AKT2: variants seen among roughly 807,000 people sequenced by gnomAD.
AKT2 encodes the protein RAC-beta serine/threonine-protein kinase.
In AKT2, 16 loss-of-function variants were observed where a neutral mutation model predicts 58.6. The ratio of observed to expected loss-of-function variants is 0.27; its 90% CI spans 0.18 to 0.41. The LOEUF (loss-of-function observed/expected upper bound fraction) is 0.41, where lower values mean the gene tolerates loss of function less well. AKT2 is among the 10% of genes least tolerant of loss of function. AKT2 has a pLI of 1.00. For synonymous variants in AKT2, 253 were observed against 254.0 expected (o/e 1.00, Z 0.04); for missense variants, 438 against 661.0 (o/e 0.66, Z 3.70).
intron 2 of AKT2, among the ~76,000 whole-genome samples, chr19:40,257,470 C>T (rs925070692): frequency 6.6e-6 from 1 of 152,184 alleles, no homozygotes; most frequent in African/African-American, 2.4e-5. Flanking sequence ...CAGGTAGCTC[C>T]AATGCCAAAA....
intron 4 of AKT2, among the ~76,000 whole-genome samples, chr19:40,249,547 T>C (rs1028744909): frequency 6.6e-6 from 1 of 152,164 alleles, no homozygotes; most frequent in Admixed American, 6.5e-5. Context: ...CTGTCCTTCA[T>C]GCACAAGCCC....
At chr19:40,259,893 C>T (rs1975813173) in intron 2 of AKT2, among the ~76,000 whole-genome samples, 1 of 152,220 alleles carries the variant, frequency 6.6e-6, no homozygotes, top group Non-Finnish European at 1.5e-5. Flanking sequence ...TAGCTCACAC[C>T]TGTAATCCCA....
rs970449908 is a variant in AKT2, at chr19:40,235,833, G to A, written c.1175+57C>T. ...TTGTGGACGCTGCCCCCTCCAGGCCGCAGGGACAGTGGCAGCAGCTGGCGC... is the reference window on the plus strand; with the variant it reads ...TTGTGGACGCTGCCCCCTCCAGGCCACAGGGACAGTGGCAGCAGCTGGCGC... On this transcript the variant is annotated intron_variant, in intron 11 of 13. Transcript: ENST00000392038. The surrounding 1 kb of genome is among the most constrained non-coding windows in gnomAD (Gnocchi z 6.3). 11 of 1,539,320 alleles carry A rather than the reference G, an allele frequency of 7.1e-6. No homozygotes were observed. Among genetic ancestry groups the A allele is most frequent in the African/African-American group, 5.4e-5 (4 of 73,616 alleles).
At chr19:40,272,347 G>A (rs773118704) in intron 1 of AKT2, among the ~76,000 whole-genome samples, 2 of 152,164 alleles carry the variant, frequency 1.3e-5, no homozygotes, top group Non-Finnish European at 2.9e-5. Flanking sequence ...TTCATCACAG[G>A]CTAATGCAGG....
At chr19:40,244,045 AAAT>A (rs1315757288) in intron 4 of AKT2, 1 of 108,118 alleles carries the variant, frequency 9.2e-6, no homozygotes, top group African/African-American at 3.5e-5. Context: ...CTCCATCCCA[AAAT>A]AATAATAAAA....
chr19:40,260,307 A>C (rs865785413), intron 2 of AKT2, among the ~76,000 whole-genome samples: 6 of 152,084 alleles, frequency 3.9e-5, no homozygotes, highest in Middle Eastern at 3.4e-3. Context: ...AAAATGGTGC[A>C]GCTGCTTCTT....
At chr19:40,256,864 C>T in intron 3 of AKT2, 62 bp downstream of exon 3, 1 of 1,611,236 alleles carries the variant, frequency 6.2e-7, no homozygotes, top group South Asian at 1.1e-5. Context: ...CCCACAAGCC[C>T]CTAAGACGTG....
intron 4 of AKT2, chr19:40,244,314 C>T (rs1974605750): frequency 6.6e-6 from 1 of 151,240 alleles, no homozygotes; most frequent in South Asian, 2.1e-4. Flanking sequence ...TGTGGGGGCA[C>T]ATGCCTGTGG....
At chr19:40,262,963 G>T (rs988156705) in intron 2 of AKT2, among the ~76,000 whole-genome samples, 2 of 152,210 alleles carry the variant, frequency 1.3e-5, no homozygotes, top group Non-Finnish European at 2.9e-5. Flanking sequence ...GATGGGCACT[G>T]GGAAGGCCCA....
At position 40,233,774 on chromosome 19, in the gene AKT2, T is replaced by C; in HGVS notation, c.*98A>G. The C allele has an allele frequency of 1.1e-6, 1 of 912,754 alleles. No homozygotes were observed. The highest frequency in any genetic ancestry group is 1.5e-6 in the Non-Finnish European group (1 of 665,852). The allele number at this position is 912,754 out of a possible 1,614,324, so 56.5% of individuals were successfully genotyped here. ...TGGAAAGGGGGTGAGGAGGTGGGGG[T>C]GGGGACACAAACCAAAAAGGCTAAG... is the stretch of plus-strand genomic sequence containing the variant. On this transcript the variant is annotated 3_prime_UTR_variant, in exon 14 of 14. Transcript: ENST00000392038. This position sits in a 1 kb window ranked among gnomAD's most constrained non-coding sequence, Gnocchi z 4.3.
At position 40,235,235 on chromosome 19, in the gene AKT2, T is replaced by G. The variant is rs761573056; in HGVS notation, c.1263+28A>C. 3.1e-6 allele frequency: 5 copies of G among 1,613,176 alleles called. No homozygotes were observed. The East Asian group carries it at 1.1e-4, about 36-fold the overall frequency. On this transcript the variant is annotated intron_variant, in intron 12 of 13. Coordinates refer to ENST00000392038, the MANE Select transcript of AKT2 (RefSeq NM_001626.6). The surrounding 1 kb of genome is among the most constrained non-coding windows in gnomAD (Gnocchi z 6.3). The stretch of plus-strand genomic sequence containing the variant: ...CACGAGTGGGCCAGGTCCCTGAGGG[T>G]CCTGCTGGGGCAAGCAGTGGGGCTC...
In AKT2 at chr19:40,234,820, AG is replaced by A. The variant is rs891247797; in HGVS notation, c.1366+224del. ...AGGGACCGGGCTGCCTCCTGCCCTG[AG>A]CCCCCCGACTGAGCTCCAGAACGTG... is the stretch of plus-strand genomic sequence containing the variant. On this transcript the variant is annotated intron_variant, in intron 13 of 13. Transcript: ENST00000392038. This position sits in a 1 kb window ranked among gnomAD's most constrained non-coding sequence, Gnocchi z 4.7. The A allele has an allele frequency of 7.8e-6, 5 of 637,910 alleles. 1 individual carries two copies. Among genetic ancestry groups the A allele is most frequent in the Middle Eastern group, 5.0e-4 (2 of 3,994 alleles). 39.5% of individuals were successfully genotyped at this position (637,910 alleles called of 1,614,324 possible).
In AKT2 at chr19:40,238,152, T is replaced by G; in HGVS notation, c.709-61A>C. On this transcript the variant is annotated intron_variant, in intron 8 of 13. Transcript: ENST00000392038. The surrounding 1 kb of genome is among the most constrained non-coding windows in gnomAD (Gnocchi z 5.1). ...CCCAGCCCACCCACCTGCCCTCACC[T>G]TCCCAGCCCCCTGCCCCAGCGCAGT... The G allele has an allele frequency of 6.5e-7, 1 of 1,543,334 alleles. No homozygotes were observed. The highest frequency in any genetic ancestry group is 8.8e-7 in the Non-Finnish European group (1 of 1,142,760).
chr19:40,234,172 G>A lies in AKT2; in HGVS notation c.1367-221C>T, dbSNP rs537823031. Among the ~76,000 whole-genome samples the A allele has an allele frequency of 3.3e-5, 5 of 152,196 alleles. No individual in the cohort carries two copies. Among genetic ancestry groups the A allele is most frequent in the Admixed American group, 2.0e-4 (3 of 15,284 alleles). On this transcript the variant is annotated intron_variant, in intron 13 of 13. Coordinates refer to ENST00000392038, the MANE Select transcript of AKT2 (RefSeq NM_001626.6). The surrounding 1 kb of genome is among the most constrained non-coding windows in gnomAD (Gnocchi z 4.7). Reference sequence around the variant, plus strand: ...GAGTTTCCTGTGCCCTTGCCCATGCGCCCCACAGCTGGCAGGGCCTTCTGA... The same window carrying A: ...GAGTTTCCTGTGCCCTTGCCCATGCACCCCACAGCTGGCAGGGCCTTCTGA...
At position 40,265,256 on chromosome 19, in the gene AKT2, C is replaced by A; in HGVS notation, c.12G>T (p.Val4=). 1 of 1,613,378 alleles carries A rather than the reference C, an allele frequency of 6.2e-7. No homozygotes were observed. Among genetic ancestry groups the A allele is most frequent in the Non-Finnish European group, 8.5e-7 (1 of 1,179,758 alleles). Residue 4 remains valine (V), a synonymous_variant, in exon 2 of 14, where the codon GTG becomes GTT. Transcript: ENST00000392038. ...GGAGCCAGCCTTCTTTGATGACAGA[C>A]ACCTCATTCATGGTGGCAGCGTGGT... MNE[V]SVIKEGWLHK... is the part of the protein sequence containing the mutation.
intron 9 of AKT2, 56 bp from the exon 10 acceptor site, chr19:40,236,441 C>A: frequency 6.2e-7 from 1 of 1,612,132 alleles, no homozygotes; most frequent in South Asian, 1.1e-5. Context: ...CCTGCCACCC[C>A]AGCCTTTCCT....
intron 1 of AKT2, chr19:40,265,631 C>T: frequency 2.5e-6 from 1 of 402,700 alleles, no homozygotes; most frequent in South Asian, 2.3e-5. Flanking sequence ...GTGGCCCCTC[C>T]ACCCACAGTC....
At chr19:40,261,835 T>A (rs1451665019) in intron 2 of AKT2, among the ~76,000 whole-genome samples, 1 of 151,918 alleles carries the variant, frequency 6.6e-6, no homozygotes, top group East Asian at 1.9e-4. Flanking sequence ...CACAACATTG[T>A]GATATACTAA....
chr19:40,259,364 C>T (rs1975779231), intron 2 of AKT2, among the ~76,000 whole-genome samples: 2 of 152,092 alleles, frequency 1.3e-5, no homozygotes, highest in African/African-American at 2.4e-5. Context: ...AACTGGATAT[C>T]CACATTCAAA....
Sources: gnomAD v4.1 joint callset for allele counts (sites outside exome capture counted in the v4.1 genomes callset) on GRCh38, gnomAD v4.1.1 for gene constraint, Gnocchi (gnomAD v3.1) non-coding constraint, MANE v1.5 for transcripts, NCBI Gene and HGNC (gene_info 2026-07-23, HGNC 2026-07-21) for gene names.